UQCC5: variants seen among roughly 807,000 people sequenced by gnomAD.
UQCC5 encodes ubiquinol-cytochrome c reductase complex assembly factor 5, also known as UPF0640 protein C3orf78.
the UQCC5 span, among the ~76,000 whole-genome samples, chr3:52,539,933 G>A: frequency 2.0e-5 from 3 of 152,160 alleles, no homozygotes; most frequent in South Asian, 2.1e-4. Flanking sequence ...CACTGTGCCC[G>A]GCCTGGAAAG....
chr3:52,536,835 C>A, the UQCC5 span: 20 of 1,551,590 alleles, frequency 1.3e-5, no homozygotes, highest in Admixed American at 2.0e-5. Flanking sequence ...CGGTTCCTGC[C>A]CTTCTTTTTT....
the UQCC5 span, chr3:52,536,850 TGGGA>T: frequency 1.3e-6 from 2 of 1,551,692 alleles, no homozygotes; most frequent in Non-Finnish European, 1.7e-6. Flanking sequence ...TTTTTTGTCC[TGGGA>T]GGAACGATGG....
At chr3:52,541,449 TCTC>T in the UQCC5 span, 2 of 152,236 alleles carry the variant, frequency 1.3e-5, no homozygotes, top group African/African-American at 2.4e-5. Flanking sequence ...CACAAACATG[TCTC>T]CTAATTTTTT....
chr3:52,536,775 T>G, the UQCC5 span: 2 of 1,551,738 alleles, frequency 1.3e-6, no homozygotes, highest in Non-Finnish European at 1.7e-6. Context: ...AGGGCCCAGG[T>G]GAGACGGATT....
the UQCC5 span, chr3:52,541,752 A>G: frequency 6.6e-6 from 1 of 152,232 alleles, no homozygotes; most frequent in South Asian, 2.1e-4. Context: ...AAACTATAGT[A>G]TGATTCTCAA....
chr3:52,539,299 GGAGA>G, the UQCC5 span, among the ~76,000 whole-genome samples: 3 of 152,184 alleles, frequency 2.0e-5, no homozygotes, highest in African/African-American at 7.2e-5. Flanking sequence ...TGATTTGCCA[GGAGA>G]GAGAACAAGA....
At chr3:52,538,830 T>C in the UQCC5 span, among the ~76,000 whole-genome samples, 6 of 148,010 alleles carry the variant, frequency 4.1e-5, no homozygotes, top group South Asian at 1.3e-3. Flanking sequence ...GAGGATTTGT[T>C]ATCACAGAAG....
At chr3:52,537,775 A>G in the UQCC5 span, among the ~76,000 whole-genome samples, 1 of 117,608 alleles carries the variant, frequency 8.5e-6, no homozygotes, top group Non-Finnish European at 1.9e-5. Flanking sequence ...TGGGCGCCTC[A>G]ACTGGACTAG....
At chr3:52,538,873 G>A in the UQCC5 span, among the ~76,000 whole-genome samples, 1 of 152,192 alleles carries the variant, frequency 6.6e-6, no homozygotes, top group African/African-American at 2.4e-5. Context: ...CTCTGTGAAG[G>A]GGAGGTAACC....
chr3:52,539,543 A>G, the UQCC5 span, among the ~76,000 whole-genome samples: 1 of 152,172 alleles, frequency 6.6e-6, no homozygotes, highest in Non-Finnish European at 1.5e-5. Context: ...CCTGAGCCAG[A>G]GGCCAGCACT....
chr3:52,539,963 T>C, the UQCC5 span, among the ~76,000 whole-genome samples: 212 of 152,204 alleles, frequency 1.4e-3, no homozygotes, highest in African/African-American at 4.7e-3. Flanking sequence ...TACATGAAGG[T>C]GGCGAGTCAA....
At chr3:52,538,721 A>G in the UQCC5 span, among the ~76,000 whole-genome samples, 2 of 152,328 alleles carry the variant, frequency 1.3e-5, no homozygotes, top group South Asian at 2.1e-4. Flanking sequence ...TTGGCCTCCC[A>G]AAGTGCTGGG....
At chr3:52,540,319 G>T in the UQCC5 span, 1 of 806,396 alleles carries the variant, frequency 1.2e-6, no homozygotes, top group Non-Finnish European at 1.9e-6. Context: ...TTAATGCCAA[G>T]ATTCAGAAGT....
chr3:52,536,964 T>A, the UQCC5 span: 15 of 1,543,204 alleles, frequency 9.7e-6, no homozygotes, highest in Non-Finnish European at 1.2e-5. Flanking sequence ...GCGGTAGGGA[T>A]CCGTTTTTCT....
chr3:52,539,879 C>T, the UQCC5 span, among the ~76,000 whole-genome samples: 7 of 152,228 alleles, frequency 4.6e-5, no homozygotes, highest in African/African-American at 1.2e-4. Flanking sequence ...CCTTGTGATC[C>T]GCCTGCCTCG....
At chr3:52,539,036 G>C in the UQCC5 span, among the ~76,000 whole-genome samples, 2 of 152,104 alleles carry the variant, frequency 1.3e-5, no homozygotes, top group Non-Finnish European at 2.9e-5. Context: ...AGTTCCTTAT[G>C]ATGACTTTCC....
the UQCC5 span, among the ~76,000 whole-genome samples, chr3:52,539,358 C>T: frequency 1.7e-4 from 26 of 152,074 alleles, no homozygotes; most frequent in Non-Finnish European, 2.5e-4. Flanking sequence ...GGGGAAGAAA[C>T]GTGAGGTCCA....
chr3:52,540,452 A>C, the UQCC5 span: 12 of 1,532,458 alleles, frequency 7.8e-6, no homozygotes, highest in African/African-American at 5.6e-5. Context: ...AAGCCTCAGA[A>C]AGACAGTATC....
At chr3:52,536,930 T>C in the UQCC5 span, 1 of 1,551,110 alleles carries the variant, frequency 6.4e-7, no homozygotes, top group Non-Finnish European at 8.7e-7. Context: ...TAGCAGTCTC[T>C]GTTTCCTTTC....
Sources: gnomAD v4.1 joint callset for allele counts (sites outside exome capture counted in the v4.1 genomes callset) on GRCh38, gnomAD v4.1.1 for gene constraint, MANE v1.5 for transcripts, NCBI Gene and HGNC (gene_info 2026-07-23, HGNC 2026-07-21) for gene names.